The following WHAMM variants were observed in gnomAD, a reference collection of about 807,000 sequenced individuals.
WHAMM encodes the protein WASP homolog-associated protein with actin, membranes and microtubules.
Under a neutral mutation model 76.5 loss-of-function variants are expected in WHAMM, and 67 were observed. The observed-to-expected ratio is 0.88, with a 90% CI of 0.72 to 1.07. The LOEUF (loss-of-function observed/expected upper bound fraction) is 1.07. Ranked by LOEUF, WHAMM falls within the 50% of genes least tolerant of loss-of-function variation. The pLI, the probability that WHAMM is intolerant of heterozygous loss-of-function variation, is 0.00. For missense variants in WHAMM, 1,021 were observed against 1,051.1 expected (o/e 0.97, Z 0.40); for synonymous variants, 419 against 422.1 (o/e 0.99, Z 0.09).
At chr15:82,822,999 TG>T in intron 5 of WHAMM, 100 bp from the exon 6 acceptor site, 1 of 995,704 alleles carries the variant, frequency 1.0e-6, no homozygotes, top group Non-Finnish European at 1.4e-6. Context: ...TTCTCAGTGG[TG>T]GGATTACAAG....
In WHAMM at chr15:82,833,387, G is replaced by A; in HGVS notation, c.2281G>A (p.Gly761Ser). ...ACTGAAGAAAGTTCACCCTGATCTTGGCCCAAACCCCAGCAGCAAACCAAC... is the reference window on the plus strand; with the variant it reads ...ACTGAAGAAAGTTCACCCTGATCTTAGCCCAAACCCCAGCAGCAAACCAAC... ...VKLKKVHPDL[G>S]PNPSSKPTSN... The change falls in exon 10 of 10, where the codon GGC becomes AGC. Residue 761 changes from glycine to serine, a missense_variant. Gly to Ser is a moderately conservative substitution (Grantham distance 56). Around this residue, in one of 3 missense-constraint regions of WHAMM, gnomAD observed 509 missense variants for 492.3 expected, o/e 1.03. Coordinates refer to ENST00000286760, the MANE Select transcript of WHAMM (RefSeq NM_001080435.3). 6.2e-7 allele frequency: 1 copy of A among 1,613,972 alleles called. No homozygotes were observed. Among genetic ancestry groups the A allele is most frequent in the South Asian group, 1.1e-5 (1 of 91,072 alleles).
intron 2 of WHAMM, among the ~76,000 whole-genome samples, chr15:82,813,521 A>G (rs2050666083): frequency 6.6e-6 from 1 of 151,770 alleles, no homozygotes; most frequent in African/African-American, 2.4e-5. Context: ...TGCCTAGTTT[A>G]CCCTTATATG....
At position 82,809,749 on chromosome 15, in the gene WHAMM, G is replaced by C. The variant is rs1172538639; in HGVS notation, c.23G>C (p.Ser8Thr). MEDEQPD[S>T]LEGWVPVREG... ...GCCATGGAGGACGAGCAGCCTGACA[G>C]CCTGGAGGGCTGGGTGCCGGTCCGG... Residue 8 changes from serine to threonine, a missense_variant, in exon 1 of 10, where the codon AGC (serine) becomes ACC (threonine). Around this residue, in one of 3 missense-constraint regions of WHAMM, gnomAD observed 501 missense variants for 524.9 expected, o/e 0.95. Coordinates refer to ENST00000286760, the MANE Select transcript of WHAMM (RefSeq NM_001080435.3). 1.3e-6 allele frequency: 2 copies of C among 1,561,772 alleles called. No homozygotes were observed. Among genetic ancestry groups the C allele is most frequent in the East Asian group, 4.6e-5 (2 of 43,414 alleles).
intron 6 of WHAMM, among the ~76,000 whole-genome samples, chr15:82,825,921 ATTATT>A (rs2050923875): frequency 6.6e-6 from 1 of 152,160 alleles, no homozygotes; most frequent in African/African-American, 2.4e-5. Flanking sequence ...GTATTACTGT[ATTATT>A]TTTTACATAG....
chr15:82,823,322 T>C lies in WHAMM; in HGVS notation c.1458+35T>C, dbSNP rs142574747. 2.7e-4 allele frequency: 360 copies of C among 1,350,448 alleles called. 1 individual carries two copies. The East Asian group carries it at 9.0e-3, about 34-fold the overall frequency. 83.7% of individuals were successfully genotyped at this position (1,350,448 alleles called of 1,614,324 possible). On this transcript the variant is annotated intron_variant, in intron 6 of 9. Coordinates refer to ENST00000286760, the MANE Select transcript of WHAMM (RefSeq NM_001080435.3). ...CTCAGAGCGGCTTTCTTTTCTTTTCTCTTTCAGAGATTTATTCTTGTATGA... is the reference window on the plus strand; with the variant it reads ...CTCAGAGCGGCTTTCTTTTCTTTTCCCTTTCAGAGATTTATTCTTGTATGA...
At chr15:82,828,117 C>A (rs551589813) in intron 8 of WHAMM, among the ~76,000 whole-genome samples, 1 of 152,180 alleles carries the variant, frequency 6.6e-6, no homozygotes, top group Non-Finnish European at 1.5e-5. Flanking sequence ...GTATCAGATG[C>A]CTTCTGTATA....
At position 82,810,190 on chromosome 15, in the gene WHAMM, C is replaced by A. The variant is rs1456066342; in HGVS notation, c.464C>A (p.Ala155Glu). Residue 155 changes from alanine (A) to glutamate (E), a missense_variant, in exon 1 of 10, where the codon GCG (alanine) becomes GAG (glutamate). Ala to Glu is a moderately radical substitution (Grantham distance 107). This residue lies in a region of WHAMM where 501 missense variants were observed against 524.9 expected (regional missense o/e 0.95). Coordinates refer to ENST00000286760, the MANE Select transcript of WHAMM (RefSeq NM_001080435.3). ...GGGCAGCTGGAACGCTATCTGGGCG[C>A]GGCGGCCGACGGCTGCGGCGGCGCC... ...LCGQLERYLG[A>E]AADGCGGATV... is the part of the protein sequence containing the mutation. The A allele has an allele frequency of 7.1e-7, 1 of 1,404,172 alleles. No homozygotes were observed. The highest frequency in any genetic ancestry group is 9.3e-7 in the Non-Finnish European group (1 of 1,075,458). The allele number at this position is 1,404,172 out of a possible 1,614,324, so 87.0% of individuals were successfully genotyped here.
chr15:82,812,851 A>G (rs1437836950), intron 1 of WHAMM, among the ~76,000 whole-genome samples: 3 of 152,176 alleles, frequency 2.0e-5, no homozygotes, highest in Non-Finnish European at 4.4e-5. Flanking sequence ...ATTATTAAAC[A>G]ATCTTCAGAA....
chr15:82,832,126 C>G (rs2051040555), intron 9 of WHAMM, among the ~76,000 whole-genome samples: 1 of 152,192 alleles, frequency 6.6e-6, no homozygotes. Flanking sequence ...GTGGGCAGAT[C>G]TTTGTGGGGT....
chr15:82,819,204 A>C (rs541323777), intron 4 of WHAMM, 119 bp from the exon 5 acceptor site: 1 of 360,244 alleles, frequency 2.8e-6, no homozygotes, highest in African/African-American at 2.1e-5. Context: ...TTTCTTTCCT[A>C]TTTGCTTTGT....
Position 82,833,582 on chromosome 15 carries a change from T to G in WHAMM, c.*46T>G, listed in dbSNP as rs377706855. The stretch of plus-strand genomic sequence containing the variant: ...CCTGCCACAGTAGGCTTGAATAAAG[T>G]GGGTGAGTCTTAGACCTATCGAAAA... On this transcript the variant is annotated 3_prime_UTR_variant, in exon 10 of 10. Coordinates refer to ENST00000286760, the MANE Select transcript of WHAMM (RefSeq NM_001080435.3). 1.3e-6 allele frequency: 2 copies of G among 1,593,144 alleles called. No individual in the cohort carries two copies. Among genetic ancestry groups the G allele is most frequent in the African/African-American group, 2.7e-5 (2 of 74,600 alleles).
chr15:82,826,920 G>T (rs1388325765), intron 8 of WHAMM, 74 bp downstream of exon 8: 1 of 1,445,516 alleles, frequency 6.9e-7, no homozygotes, highest in African/African-American at 1.4e-5. Context: ...AAAGATGAAA[G>T]TATGAAGTAT....
intron 6 of WHAMM, among the ~76,000 whole-genome samples, chr15:82,823,668 C>T (rs946578517): frequency 1.3e-5 from 2 of 152,248 alleles, no homozygotes; most frequent in African/African-American, 2.4e-5. Flanking sequence ...TAGGTTCAAG[C>T]GATCCTCATG....
rs1170496711 is a variant in WHAMM, at chr15:82,809,904, C to G, written c.178C>G (p.Arg60Gly). Residue 60 changes from arginine (R) to glycine (G), a missense_variant, in exon 1 of 10, where the codon CGG (arginine) becomes GGG (glycine). Transcript: ENST00000286760. ...AQQRRLREGARLGPEPEPKPE... is the reference protein window; with the variant it reads ...AQQRRLREGAGLGPEPEPKPE... ...GCAGCGGCGGCTGCGCGAGGGGGCC[C>G]GGTTGGGGCCCGAGCCCGAGCCCAA... 7 of 1,536,030 alleles carry G rather than the reference C, an allele frequency of 4.6e-6. No individual in the cohort carries two copies. The Admixed American group carries it at 1.1e-4, about 24-fold the overall frequency.
At chr15:82,824,056 G>T (rs1353438797) in intron 6 of WHAMM, among the ~76,000 whole-genome samples, 1 of 150,874 alleles carries the variant, frequency 6.6e-6, no homozygotes, top group East Asian at 1.9e-4. Context: ...TACATAAAAA[G>T]ATAACACTAA....
intron 1 of WHAMM, among the ~76,000 whole-genome samples, chr15:82,811,030 G>C (rs2050619358): frequency 6.6e-6 from 1 of 152,186 alleles, no homozygotes; most frequent in South Asian, 2.1e-4. Flanking sequence ...ATTAAGGAGA[G>C]CCAGGCTGGA....
At position 82,835,490 on chromosome 15, in the gene WHAMM, CGT is replaced by C. The variant is rs1316797712; in HGVS notation, c.*1956_*1957del. 2 of 152,372 alleles carry C rather than the reference CGT, an allele frequency of 1.3e-5. No homozygotes were observed. Among genetic ancestry groups the C allele is most frequent in the African/African-American group, 2.4e-5 (1 of 41,470 alleles). 9.4% of individuals were successfully genotyped at this position (152,372 alleles called of 1,614,324 possible). A position where few individuals can be genotyped will look rare whatever the true frequency, so the allele number is the denominator to read the frequency against. On this transcript the variant is annotated 3_prime_UTR_variant, in exon 10 of 10. Coordinates refer to ENST00000286760, the MANE Select transcript of WHAMM (RefSeq NM_001080435.3). ...CCTCAGTTGGCACAGCTGGGAGGGG[CGT>C]GAGTCCCTTTCAGCAGCTGCAGCCT...
intron 8 of WHAMM, among the ~76,000 whole-genome samples, chr15:82,827,148 A>T (rs2050949435): frequency 6.6e-6 from 1 of 152,166 alleles, no homozygotes; most frequent in South Asian, 2.1e-4. Context: ...GAAAACTGAA[A>T]ACTGTTCAAC....
Position 82,817,986 on chromosome 15 carries a change from C to A in WHAMM, c.1001C>A (p.Pro334His). 1 of 1,548,498 alleles carries A rather than the reference C, an allele frequency of 6.5e-7. No homozygotes were observed. Among genetic ancestry groups the A allele is most frequent in the Non-Finnish European group, 8.7e-7 (1 of 1,146,142 alleles). ...CAGGCTGCCTGGGCCACAGCAATTCCCAGGTTGGAAAAACTTCAGCTAATG... is the reference window on the plus strand; with the variant it reads ...CAGGCTGCCTGGGCCACAGCAATTCACAGGTTGGAAAAACTTCAGCTAATG... ...FGQAAWATAI[P>H]RLEKLQLMLA... The change falls in exon 4 of 10, where the codon CCC (proline) becomes CAC (histidine). Residue 334 changes from proline (P) to histidine (H), a missense_variant. Physicochemically the swap from Pro to His is moderately conservative, Grantham distance 77. This residue lies in a region of WHAMM where 501 missense variants were observed against 524.9 expected (regional missense o/e 0.95). Transcript: ENST00000286760.
Sources: gnomAD v4.1 joint callset for allele counts (sites outside exome capture counted in the v4.1 genomes callset) on GRCh38, gnomAD v4.1.1 for gene constraint, gnomAD v4.1.1 regional missense constraint, MANE v1.5 for transcripts, NCBI Gene and HGNC (gene_info 2026-07-23, HGNC 2026-07-21) for gene names.